Variants in PLA2G4C observed in about 807,000 individuals in gnomAD.
PLA2G4C encodes the protein phospholipase A2 group IVC, also known as cytosolic phospholipase A2 gamma.
Under a neutral mutation model 73.8 loss-of-function variants are expected in PLA2G4C, and 64 were observed. The observed-to-expected ratio is 0.87, with a 90% CI of 0.71 to 1.07. PLA2G4C has a LOEUF of 1.07. PLA2G4C is among the 50% of genes least tolerant of loss of function. PLA2G4C has a pLI of 0.00. For missense variants in PLA2G4C, 622 were observed against 665.4 expected, an observed-to-expected ratio of 0.93 and a Z score of 0.72; for synonymous variants, 254 against 252.1, an observed-to-expected ratio of 1.01 and a Z score of -0.07.
chr19:48,068,050 T>C, intron 12 of PLA2G4C, 164 bp from the exon 13 acceptor site: 1 of 615,404 alleles, frequency 1.6e-6, no homozygotes, highest in East Asian at 2.8e-5. Context: ...ACGCCAGTCA[T>C]CCCAGCACTT....
intron 16 of PLA2G4C, among the ~76,000 whole-genome samples, chr19:48,049,016 T>C (rs1403653597): frequency 6.6e-6 from 1 of 152,082 alleles, no homozygotes; most frequent in African/African-American, 2.4e-5. Context: ...CTCTCTCTCT[T>C]GCTCTCTCTC....
rs560000647 is a variant in PLA2G4C, at chr19:48,068,001, G to C, written c.1007-115C>G. 1.3e-3 allele frequency: 1,027 copies of C among 780,678 alleles called. 14 individuals are homozygous for C. In the South Asian group the frequency reaches 0.014, roughly 11 times the overall value. 48.4% of individuals were successfully genotyped at this position (780,678 alleles called of 1,614,324 possible). A position where few individuals can be genotyped will look rare whatever the true frequency, so the allele number is the denominator to read the frequency against. On this transcript the variant is annotated intron_variant, in intron 12 of 16. Transcript: ENST00000599921. ...CCCATGGGGTTGTATCTGGAGACAG[G>C]ACTTTTAAAGAGGTCATTCAGGGCC...
At chr19:48,080,948 G>A (rs1345478538) in intron 10 of PLA2G4C, among the ~76,000 whole-genome samples, 2 of 148,130 alleles carry the variant, frequency 1.4e-5, no homozygotes, top group Non-Finnish European at 3.0e-5. Context: ...CATGAGGTCA[G>A]GAGATCGAGA....
intron 16 of PLA2G4C, among the ~76,000 whole-genome samples, chr19:48,051,219 T>C (rs1035634218): frequency 6.6e-6 from 1 of 152,152 alleles, no homozygotes; most frequent in Non-Finnish European, 1.5e-5. Flanking sequence ...AAGGAACAGC[T>C]TCTCCCCTGG....
intron 4 of PLA2G4C, among the ~76,000 whole-genome samples, chr19:48,101,346 G>A (rs146903464): frequency 0.016 from 2,456 of 151,324 alleles, 79 homozygotes; most frequent in African/African-American, 0.056. Flanking sequence ...TGTTGCCCAC[G>A]CTGGTCTCAA....
intron 7 of PLA2G4C, among the ~76,000 whole-genome samples, chr19:48,093,510 G>A (rs2031416285): frequency 6.6e-6 from 1 of 152,078 alleles, no homozygotes; most frequent in Admixed American, 6.6e-5. Context: ...AACTGAATCG[G>A]TCACCACCCT....
chr19:48,104,737 G>A lies in PLA2G4C; in HGVS notation c.121-13C>T. 6.2e-7 allele frequency: 1 copy of A among 1,613,518 alleles called. No homozygotes were observed. Among genetic ancestry groups the A allele is most frequent in the Non-Finnish European group, 8.5e-7 (1 of 1,179,788 alleles). ...CAACAACTGGGGCCTAGGCATTGGG[G>A]AGAAAATCGATCAGAGGTTTAGAGC... On this transcript the variant is annotated splice_polypyrimidine_tract_variant and intron_variant, in intron 3 of 16. Transcript: ENST00000599921.
intron 6 of PLA2G4C, 82 bp downstream of exon 6, chr19:48,098,057 G>T (rs971333484): frequency 6.8e-7 from 1 of 1,475,912 alleles, no homozygotes; most frequent in Non-Finnish European, 9.3e-7. Context: ...TCCCCAAGGG[G>T]AGGGCAGGGA....
intron 4 of PLA2G4C, among the ~76,000 whole-genome samples, chr19:48,100,753 CA>C (rs71181647): frequency 0.15 from 22,685 of 148,684 alleles, 4,217 homozygotes; most frequent in African/African-American, 0.45. Flanking sequence ...ACTAAAAATA[CA>C]AAAAATTAGC....
chr19:48,098,326 C>T lies in PLA2G4C; in HGVS notation c.448-67G>A, dbSNP rs550076599. The T allele has an allele frequency of 8.6e-5, 124 of 1,441,900 alleles. No individual in the cohort carries two copies. In the East Asian group the frequency reaches 8.9e-4, roughly 10 times the overall value. The allele number at this position is 1,441,900 out of a possible 1,614,324, so 89.3% of individuals were successfully genotyped here. A position where few individuals can be genotyped will look rare whatever the true frequency, so the allele number is the denominator to read the frequency against. On this transcript the variant is annotated intron_variant, in intron 5 of 16. Transcript: ENST00000599921. Reference sequence around the variant, plus strand: ...GGTCCCACAGGGTGGAACCTCTGCACGTAGGCCACATTTTTTTTTAGAGGG... The same window carrying T: ...GGTCCCACAGGGTGGAACCTCTGCATGTAGGCCACATTTTTTTTTAGAGGG...
chr19:48,089,583 A>AGGTTT (rs2031178271), intron 8 of PLA2G4C, among the ~76,000 whole-genome samples: 1 of 152,220 alleles, frequency 6.6e-6, no homozygotes, highest in Non-Finnish European at 1.5e-5. Flanking sequence ...CCCATGTGTC[A>AGGTTT]GGCTTGGCTC....
intron 7 of PLA2G4C, among the ~76,000 whole-genome samples, chr19:48,093,020 T>C (rs1028152939): frequency 6.6e-6 from 1 of 152,132 alleles, no homozygotes; most frequent in Non-Finnish European, 1.5e-5. Context: ...TACATACATC[T>C]AAGGAAATAA....
intron 1 of PLA2G4C, among the ~76,000 whole-genome samples, chr19:48,109,980 C>CT (rs2032410788): frequency 1.3e-5 from 2 of 150,366 alleles, no homozygotes; most frequent in East Asian, 4.0e-4. Context: ...ATTAGGGCCT[C>CT]TGCAAGAGGC....
At chr19:48,061,215 G>A (rs2122474756) in intron 14 of PLA2G4C, 1 of 151,554 alleles carries the variant, frequency 6.6e-6, no homozygotes, top group African/African-American at 2.4e-5. Context: ...TTGAGCCCAG[G>A]AGGTTGAGGC....
rs1568457585 is a variant in PLA2G4C at position 48,105,936 on chromosome 19, TCCC to T, written c.9-495_9-493del. On this transcript the variant is annotated intron_variant, in intron 2 of 16. Coordinates refer to ENST00000599921, the MANE Select transcript of PLA2G4C (RefSeq NM_003706.3). ...CTCCCTCCCTCCCTCCCTCCCTCCC[TCCC>T]TCCCTCCCTTCTTTCTTTCTTTCTT... Among the ~76,000 whole-genome samples the T allele has an allele frequency of 1.7e-3, 53 of 31,694 alleles. 8 individuals are homozygous for T. The highest frequency in any genetic ancestry group is 3.9e-3 in the African/African-American group (17 of 4,414). The allele number at this position is 31,694 out of a possible 152,430, so 20.8% of individuals were successfully genotyped here.
Position 48,052,883 on chromosome 19 carries a change from C to CA in PLA2G4C, c.1580+113dup, listed in dbSNP as rs1249803871. ...GAGACGCAAGCTCAAGTAGGGGAGA[C>CA]ACTGCCTATCTTTTTTCACCCATGC... On this transcript the variant is annotated intron_variant, in intron 16 of 16. Coordinates refer to ENST00000599921, the MANE Select transcript of PLA2G4C (RefSeq NM_003706.3). The CA allele has an allele frequency of 4.5e-6, 5 of 1,107,326 alleles. No homozygotes were observed. In the African/African-American group the frequency reaches 7.8e-5, roughly 17 times the overall value. 68.6% of individuals were successfully genotyped at this position (1,107,326 alleles called of 1,614,324 possible). A position where few individuals can be genotyped will look rare whatever the true frequency, so the allele number is the denominator to read the frequency against.
chr19:48,048,345 A>G lies in PLA2G4C; in HGVS notation c.1624T>C (p.Ter542GlnextTer15), dbSNP rs760990058. Residue 542 changes from the stop codon to glutamine (Q), a stop_lost, in exon 17 of 17, where the codon TAG becomes CAG. Coordinates refer to ENST00000599921, the MANE Select transcript of PLA2G4C (RefSeq NM_003706.3). Reference protein sequence around the residue: ...KDSARSCCLA* With the variant: ...KDSARSCCLAQ ...GTGCCCTGGAAGCTGAGGCTCATCT[A>G]TGCCAAGCAGCAACTTCGGGCACTA... 6.3e-7 allele frequency: 1 copy of G among 1,598,774 alleles called. No homozygotes were observed. The highest frequency in any genetic ancestry group is 1.1e-5 in the South Asian group (1 of 88,240).
chr19:48,095,561 T>C lies in PLA2G4C; in HGVS notation c.612A>G (p.Ala204=), dbSNP rs1473819242. Reference sequence around the variant, plus strand: ...GGGTTATGGAAACAAAGGCCCCCAGTGCAGAGAAGCCAGCGTGGTGAGGGG... The same window carrying C: ...GGGTTATGGAAACAAAGGCCCCCAGCGCAGAGAAGCCAGCGTGGTGAGGGG... ...EFTPHHAGFS[A]LGAFVSITHF... The change falls in exon 7 of 17, where the codon GCA becomes GCG. Residue 204 remains alanine, a synonymous_variant. Coordinates refer to ENST00000599921, the MANE Select transcript of PLA2G4C (RefSeq NM_003706.3). 6.2e-7 allele frequency: 1 copy of C among 1,614,086 alleles called. No homozygotes were observed. Among genetic ancestry groups the C allele is most frequent in the Non-Finnish European group, 8.5e-7 (1 of 1,179,988 alleles).
chr19:48,092,551 G>A (rs143707931), intron 7 of PLA2G4C, among the ~76,000 whole-genome samples: 13 of 152,270 alleles, frequency 8.5e-5, no homozygotes, highest in East Asian at 1.9e-4. Context: ...TGGTATATTC[G>A]TACAATGGAA....
Sources: gnomAD v4.1 joint callset for allele counts (sites outside exome capture counted in the v4.1 genomes callset) on GRCh38, gnomAD v4.1.1 for gene constraint, MANE v1.5 for transcripts, NCBI Gene and HGNC (gene_info 2026-07-23, HGNC 2026-07-21) for gene names.